MMP26: variants seen among roughly 807,000 people sequenced by gnomAD.
The protein encoded by MMP26 is matrix metalloproteinase-26.
Under a neutral mutation model 31.0 loss-of-function variants are expected in MMP26, and 33 were observed. That is an observed-to-expected ratio of 1.06 (90% CI 0.81 to 1.42). The LOEUF (loss-of-function observed/expected upper bound fraction) is 1.42. Among genes scored for constraint, MMP26 ranks in the 40% most tolerant of loss-of-function variants. The pLI is 0.00. For missense variants in MMP26, 347 were observed against 316.1 expected, an observed-to-expected ratio of 1.10 and a Z score of -0.74; for synonymous variants, 122 against 114.9, an observed-to-expected ratio of 1.06 and a Z score of -0.40.
chr11:4,792,965 A>T (rs1849050709), intron 2 of MMP26, among the ~76,000 whole-genome samples: 1 of 152,188 alleles, frequency 6.6e-6, no homozygotes, highest in African/African-American at 2.4e-5. Flanking sequence ...TGTATCAGTA[A>T]AAACAAGCAA....
intron 2 of MMP26, among the ~76,000 whole-genome samples, chr11:4,803,184 T>C (rs2133453553): frequency 6.6e-6 from 1 of 152,318 alleles, no homozygotes; most frequent in African/African-American, 2.4e-5. Flanking sequence ...TAGGTAAAAC[T>C]ACTTTTATTG....
intron 2 of MMP26, among the ~76,000 whole-genome samples, chr11:4,779,976 A>G (rs1848836894): frequency 6.6e-6 from 1 of 152,088 alleles, no homozygotes; most frequent in South Asian, 2.1e-4. Flanking sequence ...TTTTTACTCA[A>G]TGTTGAAATG....
chr11:4,974,061 A>G lies in MMP26; in HGVS notation c.-144-14007A>G, dbSNP rs149613330. Among the ~76,000 whole-genome samples, 296 of 152,200 alleles carry G rather than the reference A, an allele frequency of 1.9e-3. 2 individuals carry two copies. The highest frequency in any genetic ancestry group is 6.8e-3 in the African/African-American group (280 of 41,448). On this transcript the variant is annotated intron_variant, in intron 2 of 7. Coordinates refer to ENST00000380390, the MANE Select transcript of MMP26 (RefSeq NM_021801.5). The stretch of plus-strand genomic sequence containing the variant: ...AAGGAGAAATAGATAGGTAGACTCA[A>G]CTAGAAACAAAAAACCGAGAAAAAA...
At chr11:4,851,756 A>C (rs968937639) in intron 2 of MMP26, among the ~76,000 whole-genome samples, 5 of 152,080 alleles carry the variant, frequency 3.3e-5, no homozygotes, top group Non-Finnish European at 4.4e-5. Flanking sequence ...TCTGAAGTAA[A>C]TTATATAGTA....
chr11:4,958,510 TTC>T (rs750279598), intron 2 of MMP26, among the ~76,000 whole-genome samples: 1 of 152,174 alleles, frequency 6.6e-6, no homozygotes, highest in Non-Finnish European at 1.5e-5. Context: ...CTTACTCTGC[TTC>T]TCTCTTTTCA....
intron 2 of MMP26, among the ~76,000 whole-genome samples, chr11:4,958,103 G>A (rs1846468665): frequency 6.6e-6 from 1 of 152,156 alleles, no homozygotes. Context: ...TTGGGCCCAT[G>A]ATGGCGCCAG....
intron 2 of MMP26, among the ~76,000 whole-genome samples, chr11:4,974,171 C>T (rs1846704460): frequency 2.6e-5 from 4 of 152,044 alleles, no homozygotes; most frequent in Admixed American, 2.6e-4. Context: ...TACTGATCAA[C>T]TGAGATAATT....
At chr11:4,953,447 T>C (rs555722494) in intron 2 of MMP26, among the ~76,000 whole-genome samples, 2 of 123,374 alleles carry the variant, frequency 1.6e-5, no homozygotes, top group South Asian at 4.9e-4. Flanking sequence ...TAATTGCAAA[T>C]ATTAAGTATA....
intron 2 of MMP26, among the ~76,000 whole-genome samples, chr11:4,857,660 G>A (rs1405653345): frequency 6.6e-6 from 1 of 152,126 alleles, no homozygotes; most frequent in Non-Finnish European, 1.5e-5. Context: ...GGAGGAGCTG[G>A]TACCATTCCT....
rs1204245905 is a variant in MMP26 at position 4,949,621 on chromosome 11, CA to C, written c.-144-38441del. ...TATTAGGAAATAAGAGTTGAAAAAT[CA>C]AAAAATGTAACTTCTATTTCAAGAA... On this transcript the variant is annotated intron_variant, in intron 2 of 7. Transcript: ENST00000380390. 2.5e-5 allele frequency among the ~76,000 whole-genome samples: 3 copies of C among 119,652 alleles called. 1 individual carries two copies. Among genetic ancestry groups the C allele is most frequent in the African/African-American group, 8.4e-5 (3 of 35,752 alleles). 78.5% of individuals were successfully genotyped at this position (119,652 alleles called of 152,430 possible).
rs1763235138 is a variant in MMP26 at position 4,704,928 on chromosome 11, A to T, written c.-334A>T. Reference sequence around the variant, plus strand: ...GCAAGTAAGTTAGTGAGGTTGAGATAACTCTCTCTCACTTGCTTTGCATTA... The same window carrying T: ...GCAAGTAAGTTAGTGAGGTTGAGATTACTCTCTCTCACTTGCTTTGCATTA... On this transcript the variant is annotated 5_prime_UTR_variant, in exon 1 of 8. Coordinates refer to ENST00000380390, the MANE Select transcript of MMP26 (RefSeq NM_021801.5). 6.6e-6 allele frequency: 1 copy of T among 152,200 alleles called. No homozygotes were observed. Among genetic ancestry groups the T allele is most frequent in the Admixed American group, 6.6e-5 (1 of 15,264 alleles). 9.4% of individuals were successfully genotyped at this position (152,200 alleles called of 1,614,324 possible). A position where few individuals can be genotyped will look rare whatever the true frequency, so the allele number is the denominator to read the frequency against.
At chr11:4,758,036 A>T (rs1848525750) in intron 1 of MMP26, among the ~76,000 whole-genome samples, 1 of 152,224 alleles carries the variant, frequency 6.6e-6, no homozygotes, top group Non-Finnish European at 1.5e-5. Flanking sequence ...GCATATGTAC[A>T]CACAATACAT....
At chr11:4,914,545 C>CA (rs761159983) in intron 2 of MMP26, 10 of 230,166 alleles carry the variant, frequency 4.3e-5, no homozygotes, top group Non-Finnish European at 8.3e-5. Flanking sequence ...TTACATTTTA[C>CA]CCCCCCCTGC....
chr11:4,858,807 C>T (rs1375668701), intron 2 of MMP26, among the ~76,000 whole-genome samples: 2 of 152,122 alleles, frequency 1.3e-5, no homozygotes, highest in Non-Finnish European at 2.9e-5. Flanking sequence ...CATCATGCTA[C>T]CTGACTTCAA....
chr11:4,717,087 TATC>T lies in MMP26; in HGVS notation c.-217+12044_-217+12046del, dbSNP rs149356120. ...AATTTCTTTCATGATGATTTTCACT[TATC>T]AGCCTCTGCTCGACAATTCTTTACT... On this transcript the variant is annotated intron_variant, in intron 1 of 7. Transcript: ENST00000380390. Among the ~76,000 whole-genome samples, 933 of 152,366 alleles carry T rather than the reference TATC, an allele frequency of 6.1e-3. 10 individuals carry two copies. The highest frequency in any genetic ancestry group is 0.021 in the African/African-American group (887 of 41,572).
At position 4,914,871 on chromosome 11, in the gene MMP26, C is replaced by T. The variant is rs377147266; in HGVS notation, c.-144-73197C>T. The T allele has an allele frequency of 5.0e-6, 8 of 1,614,096 alleles. No homozygotes were observed. The highest frequency in any genetic ancestry group is 5.9e-6 in the Non-Finnish European group (7 of 1,180,014). On this transcript the variant is annotated intron_variant, in intron 2 of 7. Transcript: ENST00000380390. ...GCCTGCTTTCCAAAGCGATGGATGA[C>T]AGAGAGGCCAATCATGGGAGTGTAG...
intron 2 of MMP26, chr11:4,863,549 A>G (rs569061486): frequency 1.3e-5 from 2 of 152,320 alleles, no homozygotes; most frequent in African/African-American, 4.8e-5. Flanking sequence ...AAAATGCCCT[A>G]AGTTATCTTA....
chr11:4,729,890 C>T (rs77225951), intron 1 of MMP26, among the ~76,000 whole-genome samples: 7 of 151,490 alleles, frequency 4.6e-5, no homozygotes, highest in African/African-American at 1.7e-4. Flanking sequence ...CGTGATGCAT[C>T]GTAAAGTTAA....
At chr11:4,841,144 A>C (rs2133489533) in intron 2 of MMP26, among the ~76,000 whole-genome samples, 1 of 152,312 alleles carries the variant, frequency 6.6e-6, no homozygotes, top group Middle Eastern at 3.4e-3. Context: ...AAGAATAAAA[A>C]ACAACAAAGC....
Sources: allele counts gnomAD v4.1 joint callset (sites outside exome capture counted in the v4.1 genomes callset), GRCh38; gene constraint gnomAD v4.1.1; transcripts MANE v1.5; gene names NCBI Gene and HGNC (gene_info 2026-07-23, HGNC 2026-07-21).